The following ENOX1 variants were observed in gnomAD, a reference collection of about 807,000 sequenced individuals.
ENOX1 encodes candidate growth-related and time keeping constitutive hydroquinone (NADH) oxidase.
Under a neutral mutation model 82.5 loss-of-function variants are expected in ENOX1, and 42 were observed. The ratio of observed to expected loss-of-function variants is 0.51; its 90% CI spans 0.40 to 0.66. The LOEUF is 0.66. ENOX1 is among the 30% of genes least tolerant of loss of function. The probability of loss-of-function intolerance (pLI) is 0.00; values close to 1 mark genes in which losing one functional copy is unlikely to be tolerated. For missense variants in ENOX1, 608 were observed against 811.6 expected, an observed-to-expected ratio of 0.75 and a Z score of 3.05; for synonymous variants, 271 against 282.2, an observed-to-expected ratio of 0.96 and a Z score of 0.40.
intron 2 of ENOX1, among the ~76,000 whole-genome samples, chr13:43,638,074 G>A (rs1009732831): frequency 1.3e-5 from 2 of 152,172 alleles, no homozygotes; most frequent in East Asian, 1.9e-4. Flanking sequence ...CGTCCTCTAA[G>A]AGGATATGGA....
At chr13:43,704,422 G>A (rs2087115569) in intron 1 of ENOX1, among the ~76,000 whole-genome samples, 1 of 151,896 alleles carries the variant, frequency 6.6e-6, no homozygotes, top group Admixed American at 6.6e-5. Context: ...CTTTTTGAAG[G>A]CACTGAAGGG....
intron 2 of ENOX1, among the ~76,000 whole-genome samples, chr13:43,533,895 A>G (rs1380374646): frequency 6.6e-6 from 1 of 152,138 alleles, no homozygotes; most frequent in East Asian, 1.9e-4. Flanking sequence ...TTAGTAGGCC[A>G]GGATATCCTT....
At chr13:43,550,959 A>T (rs1185633071) in intron 2 of ENOX1, among the ~76,000 whole-genome samples, 1 of 152,188 alleles carries the variant, frequency 6.6e-6, no homozygotes, top group Non-Finnish European at 1.5e-5. Context: ...ACCATAAGTA[A>T]CCCATATTTA....
chr13:43,592,609 T>G (rs965144191), intron 2 of ENOX1, among the ~76,000 whole-genome samples: 1 of 152,230 alleles, frequency 6.6e-6, no homozygotes, highest in Non-Finnish European at 1.5e-5. Context: ...ATGCAAAACT[T>G]ATTGGTATAG....
intron 2 of ENOX1, among the ~76,000 whole-genome samples, chr13:43,623,452 G>C (rs568956887): frequency 3.3e-5 from 5 of 151,850 alleles, no homozygotes; most frequent in Admixed American, 6.6e-5. Flanking sequence ...CCTGTATTTT[G>C]CTCAGCTCTC....
chr13:43,545,708 T>C (rs2078944330), intron 2 of ENOX1: 1 of 152,286 alleles, frequency 6.6e-6, no homozygotes, highest in Non-Finnish European at 1.5e-5. Flanking sequence ...GGAAACTTAA[T>C]GTCCACATTG....
At position 43,266,227 on chromosome 13, in the gene ENOX1, T is replaced by C. The variant is rs563575572; in HGVS notation, c.1555-773A>G. 5.4e-4 allele frequency among the ~76,000 whole-genome samples: 83 copies of C among 152,302 alleles called. 1 individual carries two copies. Among genetic ancestry groups the C allele is most frequent in the Non-Finnish European group, 2.1e-4 (14 of 68,010 alleles). On this transcript the variant is annotated intron_variant, in intron 13 of 16. Transcript: ENST00000690772. ...CAACTGTTTTGCCAGTATTTTTTCC[T>C]GACTTAGGAAAGCAGCATCTCCTCC...
chr13:43,741,872 T>C (rs1949759026), intron 1 of ENOX1, among the ~76,000 whole-genome samples: 2 of 152,220 alleles, frequency 1.3e-5, no homozygotes, highest in South Asian at 4.1e-4. Flanking sequence ...TAGCTTTAGG[T>C]CTTATTTTAG....
intron 11 of ENOX1, among the ~76,000 whole-genome samples, chr13:43,304,044 A>G (rs2046728837): frequency 6.6e-6 from 1 of 152,106 alleles, no homozygotes; most frequent in Non-Finnish European, 1.5e-5. Flanking sequence ...CTCCTTTTGT[A>G]TGAGCCCCGA....
chr13:43,667,357 C>G, intron 2 of ENOX1, 122 bp downstream of exon 2: 10 of 649,736 alleles, frequency 1.5e-5, no homozygotes, highest in Non-Finnish European at 1.5e-5. Context: ...GCCCTCTGAA[C>G]CCCAGATATA....
At chr13:43,661,145 G>A (rs2084701197) in intron 2 of ENOX1, among the ~76,000 whole-genome samples, 1 of 152,074 alleles carries the variant, frequency 6.6e-6, no homozygotes, top group Non-Finnish European at 1.5e-5. Context: ...TTTGTTTATT[G>A]TGCCCCTGCA....
chr13:43,550,654 C>T (rs1436777261), intron 2 of ENOX1, among the ~76,000 whole-genome samples: 2 of 152,164 alleles, frequency 1.3e-5, no homozygotes, highest in East Asian at 3.9e-4. Flanking sequence ...TAAATTATTA[C>T]TGGCCCAATT....
At chr13:43,757,140 T>C (rs1326100917) in intron 1 of ENOX1, among the ~76,000 whole-genome samples, 1 of 152,134 alleles carries the variant, frequency 6.6e-6, no homozygotes, top group African/African-American at 2.4e-5. Context: ...GATAAAAATG[T>C]ATGGGAGATA....
chr13:43,592,074 CT>C (rs1227819128), intron 2 of ENOX1, among the ~76,000 whole-genome samples: 3 of 152,164 alleles, frequency 2.0e-5, no homozygotes, highest in African/African-American at 7.2e-5. Context: ...GATCACAATG[CT>C]TTCTCTATAT....
intron 9 of ENOX1, among the ~76,000 whole-genome samples, chr13:43,339,092 T>C (rs1025861263): frequency 6.6e-5 from 10 of 152,150 alleles, no homozygotes; most frequent in Non-Finnish European, 1.2e-4. Flanking sequence ...ACCAGAGATA[T>C]AAAAAAGGTT....
intron 3 of ENOX1, among the ~76,000 whole-genome samples, chr13:43,462,184 A>G (rs1454916747): frequency 1.3e-5 from 2 of 152,214 alleles, no homozygotes; most frequent in Non-Finnish European, 2.9e-5. Context: ...TAAAAAGTAC[A>G]TGTTACTTTA....
intron 3 of ENOX1, among the ~76,000 whole-genome samples, chr13:43,436,874 T>A (rs2056064186): frequency 1.3e-5 from 2 of 152,124 alleles, no homozygotes; most frequent in African/African-American, 4.8e-5. Context: ...ATAGTCATAA[T>A]CCTAGTGAAA....
At chr13:43,324,875 T>C (rs979218273) in intron 10 of ENOX1, among the ~76,000 whole-genome samples, 1 of 152,214 alleles carries the variant, frequency 6.6e-6, no homozygotes, top group African/African-American at 2.4e-5. Flanking sequence ...CAGATCAATA[T>C]GTGACATTTG....
At chr13:43,714,557 T>C (rs1171321984) in intron 1 of ENOX1, among the ~76,000 whole-genome samples, 1 of 152,198 alleles carries the variant, frequency 6.6e-6, no homozygotes, top group African/African-American at 2.4e-5. Flanking sequence ...CTAAGTCTCT[T>C]TGTAGGTCAA....
Sources: gnomAD v4.1 joint callset for allele counts (sites outside exome capture counted in the v4.1 genomes callset) on GRCh38, gnomAD v4.1.1 for gene constraint, MANE v1.5 for transcripts, NCBI Gene and HGNC (gene_info 2026-07-23, HGNC 2026-07-21) for gene names.